CA10: variants seen among roughly 807,000 people sequenced by gnomAD.
CA10 encodes carbonic anhydrase 10 (inactive), also known as carbonic anhydrase-related protein 10.
Under a neutral mutation model 44.2 loss-of-function variants are expected in CA10, and 14 were observed. The ratio of observed to expected loss-of-function variants is 0.32; its 90% CI spans 0.21 to 0.50. The LOEUF (loss-of-function observed/expected upper bound fraction) is 0.50. Ranked by LOEUF, CA10 falls within the 20% of genes least tolerant of loss-of-function variation. CA10 has a pLI of 0.99. For synonymous variants in CA10, 159 were observed against 141.6 expected (o/e 1.12, Z -0.87); for missense variants, 350 against 409.7 (o/e 0.85, Z 1.26).
chr17:51,661,403 C>T (rs4794291), intron 4 of CA10, among the ~76,000 whole-genome samples: 22,113 of 152,078 alleles, frequency 0.15, 1,820 homozygotes, highest in Non-Finnish European at 0.18. Flanking sequence ...CATTGGGCTG[C>T]GTGGGTTGCA....
intron 3 of CA10, among the ~76,000 whole-genome samples, chr17:51,828,098 T>G (rs984985295): frequency 6.6e-6 from 1 of 152,212 alleles, no homozygotes; most frequent in Non-Finnish European, 1.5e-5. Flanking sequence ...AATAAATTTC[T>G]ACTGTACAAA....
chr17:51,989,545 A>G (rs532120854), intron 2 of CA10, among the ~76,000 whole-genome samples: 4 of 152,254 alleles, frequency 2.6e-5, no homozygotes, highest in Admixed American at 1.3e-4. Context: ...AAGACATGAA[A>G]TCAACCTAAA....
At chr17:51,853,054 A>C (rs1978865018) in intron 3 of CA10, among the ~76,000 whole-genome samples, 1 of 152,138 alleles carries the variant, frequency 6.6e-6, no homozygotes, top group Admixed American at 6.6e-5. Flanking sequence ...CCTTGGAAAA[A>C]CTGAAAGGAG....
intron 2 of CA10, among the ~76,000 whole-genome samples, chr17:51,943,533 C>T (rs978174819): frequency 2.6e-5 from 4 of 152,140 alleles, no homozygotes; most frequent in Admixed American, 2.0e-4. Flanking sequence ...AAATGTATGC[C>T]CAGCCTTTCG....
chr17:52,065,490 C>G (rs2191410), intron 2 of CA10, among the ~76,000 whole-genome samples: 150,531 of 152,266 alleles, frequency 0.99, 74,428 homozygotes, highest in East Asian at 1. Flanking sequence ...GGTATATCCT[C>G]GAGGAATAGG....
intron 3 of CA10, among the ~76,000 whole-genome samples, chr17:51,897,502 G>T (rs1470603235): frequency 1.3e-5 from 2 of 152,100 alleles, no homozygotes; most frequent in African/African-American, 4.8e-5. Context: ...GTAATGTAAT[G>T]CCTGCAGCTT....
At chr17:52,026,270 C>T (rs1986297914) in intron 2 of CA10, among the ~76,000 whole-genome samples, 1 of 152,140 alleles carries the variant, frequency 6.6e-6, no homozygotes, top group African/African-American at 2.4e-5. Context: ...TAAATGTGCA[C>T]TAGAGTAAAA....
chr17:51,825,257 A>C (rs1013010234), intron 3 of CA10, among the ~76,000 whole-genome samples: 1 of 152,186 alleles, frequency 6.6e-6, no homozygotes, highest in African/African-American at 2.4e-5. Flanking sequence ...ATTATCGAAA[A>C]CTGTGTCAAA....
chr17:51,962,730 A>T (rs1198606930), intron 2 of CA10, among the ~76,000 whole-genome samples: 1 of 152,114 alleles, frequency 6.6e-6, no homozygotes, highest in Non-Finnish European at 1.5e-5. Flanking sequence ...GGAAAGAAAA[A>T]ACCCGCTAAT....
At chr17:52,054,225 C>T (rs1454804959) in intron 2 of CA10, among the ~76,000 whole-genome samples, 1 of 152,114 alleles carries the variant, frequency 6.6e-6, no homozygotes, top group Non-Finnish European at 1.5e-5. Flanking sequence ...GAATGTGTCC[C>T]TAAGGGGAGG....
chr17:51,958,866 G>C (rs1180958992), intron 2 of CA10, among the ~76,000 whole-genome samples: 1 of 152,048 alleles, frequency 6.6e-6, no homozygotes, highest in Non-Finnish European at 1.5e-5. Context: ...CTGTGATTAA[G>C]CATATACCAT....
At chr17:52,093,172 A>T (rs548948661) in intron 1 of CA10, among the ~76,000 whole-genome samples, 50 of 152,286 alleles carry the variant, frequency 3.3e-4, no homozygotes, top group Non-Finnish European at 5.6e-4. Context: ...ATATCAGGGA[A>T]GTAAAGAGGA....
chr17:51,846,287 GA>G (rs1978488950), intron 3 of CA10, among the ~76,000 whole-genome samples: 1 of 152,262 alleles, frequency 6.6e-6, no homozygotes, highest in Non-Finnish European at 1.5e-5. Context: ...GGAAAGGTCA[GA>G]GCAGGAGAGG....
chr17:52,007,575 C>T (rs1985643836), intron 2 of CA10, among the ~76,000 whole-genome samples: 1 of 151,418 alleles, frequency 6.6e-6, no homozygotes, highest in African/African-American at 2.4e-5. Context: ...GGTCATATTC[C>T]TGGAAGAAAA....
intron 4 of CA10, among the ~76,000 whole-genome samples, chr17:51,661,092 C>G (rs1433611817): frequency 6.6e-6 from 1 of 152,098 alleles, no homozygotes; most frequent in Non-Finnish European, 1.5e-5. Flanking sequence ...ACAGTTTTAG[C>G]TTGACATTCG....
chr17:51,905,738 C>T (rs1290978340), intron 3 of CA10, among the ~76,000 whole-genome samples: 1 of 152,026 alleles, frequency 6.6e-6, no homozygotes, highest in Non-Finnish European at 1.5e-5. Context: ...CATTCTCCCA[C>T]ATTACTCTAG....
At chr17:51,891,609 G>T (rs530963408) in intron 3 of CA10, among the ~76,000 whole-genome samples, 1 of 152,260 alleles carries the variant, frequency 6.6e-6, no homozygotes, top group African/African-American at 2.4e-5. Flanking sequence ...GCAGCCAGCT[G>T]CAATTGATGG....
intron 1 of CA10, among the ~76,000 whole-genome samples, chr17:52,102,156 C>T (rs1988554703): frequency 6.6e-6 from 1 of 152,188 alleles, no homozygotes; most frequent in Non-Finnish European, 1.5e-5. Flanking sequence ...TTCTAACTCC[C>T]TATAACACTC....
intron 4 of CA10, among the ~76,000 whole-genome samples, chr17:51,667,545 G>A (rs1455558715): frequency 6.7e-6 from 1 of 148,798 alleles, no homozygotes; most frequent in Non-Finnish European, 1.5e-5. Context: ...AGCTCCTTGT[G>A]CTACATATTT....
Sources: gnomAD v4.1 joint callset for allele counts (sites outside exome capture counted in the v4.1 genomes callset) on GRCh38, gnomAD v4.1.1 for gene constraint, MANE v1.5 for transcripts, NCBI Gene and HGNC (gene_info 2026-07-23, HGNC 2026-07-21) for gene names.